FBF1: variants seen among roughly 807,000 people sequenced by gnomAD.
FBF1 encodes the protein Fas binding factor 1.
A neutral mutation model predicts 147.2 loss-of-function variants in FBF1; 119 were observed. That is an observed-to-expected ratio of 0.81 (90% CI 0.70 to 0.94). The LOEUF is 0.94. Ranked by LOEUF, FBF1 falls within the 40% of genes least tolerant of loss-of-function variation. The pLI, the probability that FBF1 is intolerant of heterozygous loss-of-function variation, is 0.00. For synonymous variants in FBF1, 601 were observed against 609.0 expected (o/e 0.99, Z 0.19); for missense variants, 1,449 against 1,500.8 (o/e 0.97, Z 0.57).
chr17:75,931,314 T>C (rs1362642520), intron 5 of FBF1, 25 bp from the exon 6 acceptor site: 2 of 1,569,636 alleles, frequency 1.3e-6, no homozygotes. Flanking sequence ...CGTCAGCCCC[T>C]ACCTGCATCC....
intron 27 of FBF1, 40 bp downstream of exon 27, chr17:75,913,873 G>A (rs1303606094): frequency 6.4e-7 from 1 of 1,559,500 alleles, no homozygotes; most frequent in Non-Finnish European, 8.6e-7. Context: ...GAGGCTGGGG[G>A]TGCCGGGGGC....
In FBF1 at chr17:75,923,079, T is replaced by A; in HGVS notation, c.1424+107A>T. 8.4e-7 allele frequency: 1 copy of A among 1,190,454 alleles called. No homozygotes were observed. The allele number at this position is 1,190,454 out of a possible 1,614,324, so 73.7% of individuals were successfully genotyped here. A position where few individuals can be genotyped will look rare whatever the true frequency, so the allele number is the denominator to read the frequency against. On this transcript the variant is annotated intron_variant, in intron 14 of 29. Coordinates refer to ENST00000636174, the MANE Select transcript of FBF1 (RefSeq NM_001319193.2). This position sits in a 1 kb window ranked among gnomAD's most constrained non-coding sequence, Gnocchi z 4.1. ...GCCTCTGTGGCCACGGCGCCCTGCCTTGTTCCCCAACTGCTGACTGAGGCT... is the reference window on the plus strand; with the variant it reads ...GCCTCTGTGGCCACGGCGCCCTGCCATGTTCCCCAACTGCTGACTGAGGCT...
rs886542099 is a variant in FBF1, at chr17:75,912,223, C to G, written c.3332G>C (p.Arg1111Thr). 1.2e-6 allele frequency: 2 copies of G among 1,610,766 alleles called. No homozygotes were observed. Among genetic ancestry groups the G allele is most frequent in the African/African-American group, 2.7e-5 (2 of 74,910 alleles). Reference sequence around the variant, plus strand: ...TGCCATGTGCCTCAGCAGTGCCAGCCTGGCATGGAGGTGCAAGGGGCTGGG... The same window carrying G: ...TGCCATGTGCCTCAGCAGTGCCAGCGTGGCATGGAGGTGCAAGGGGCTGGG... ...LDPSPLHLHA[R>T]LALLRHMAEQ... Residue 1111 changes from arginine (R) to threonine (T), a missense_variant, in exon 29 of 30, where the codon AGG becomes ACG. Coordinates refer to ENST00000636174, the MANE Select transcript of FBF1 (RefSeq NM_001319193.2).
chr17:75,926,355 C>A lies in FBF1; in HGVS notation c.667G>T (p.Asp223Tyr). Reference sequence around the variant, plus strand: ...AACCCCAAGGTGGCCATGATGTCATCCCCATCATCAAACAACAATTCTTCT... The same window carrying A: ...AACCCCAAGGTGGCCATGATGTCATACCCATCATCAAACAACAATTCTTCT... ...KKEELLFDDG[D>Y]DIMATLGFGD... Residue 223 changes from aspartate to tyrosine, a missense_variant, in exon 11 of 30, where the codon GAT becomes TAT. Coordinates refer to ENST00000636174, the MANE Select transcript of FBF1 (RefSeq NM_001319193.2). The A allele has an allele frequency of 6.2e-7, 1 of 1,612,044 alleles. No individual in the cohort carries two copies. The highest frequency in any genetic ancestry group is 8.5e-7 in the Non-Finnish European group (1 of 1,179,174).
At chr17:75,916,093 G>A (rs965271666) in intron 23 of FBF1, among the ~76,000 whole-genome samples, 1 of 151,812 alleles carries the variant, frequency 6.6e-6, no homozygotes, top group Non-Finnish European at 1.5e-5. Context: ...GCCAAAGTGG[G>A]CAGCTTGTCT....
rs1478784946 is a variant in FBF1 at position 75,923,836 on chromosome 17, G to A, written c.969-195C>T. Among the ~76,000 whole-genome samples the A allele has an allele frequency of 2.0e-5, 3 of 152,188 alleles. No homozygotes were observed. The East Asian group carries it at 5.8e-4, about 29-fold the overall frequency. ...GAACACCACGAAGTACAGAGACCTT[G>A]ACTTCCATCACATGAACCAGGGACA... On this transcript the variant is annotated intron_variant, in intron 13 of 29. Coordinates refer to ENST00000636174, the MANE Select transcript of FBF1 (RefSeq NM_001319193.2). This position sits in a 1 kb window ranked among gnomAD's most constrained non-coding sequence, Gnocchi z 4.1.
chr17:75,940,330 C>A (rs1250585699), intron 1 of FBF1, among the ~76,000 whole-genome samples: 2 of 151,858 alleles, frequency 1.3e-5, no homozygotes, highest in Non-Finnish European at 2.9e-5. Flanking sequence ...TAGCTTACTG[C>A]AGCCTCGACC....
At chr17:75,935,171 T>A (rs546850573) in intron 4 of FBF1, among the ~76,000 whole-genome samples, 69 of 152,018 alleles carry the variant, frequency 4.5e-4, no homozygotes, top group African/African-American at 1.6e-3. Flanking sequence ...ATCTCATTTT[T>A]TTTTTTTTTT....
At chr17:75,929,945 A>AGGGGGGGGCCCCCCCCCCCCCCC in intron 7 of FBF1, 52 bp downstream of exon 7, 1 of 650,910 alleles carries the variant, frequency 1.5e-6, no homozygotes. Flanking sequence ...AAATATCATG[A>AGGGGGGGGCCCCCCCCCCCCCCC]CCCCACCCCA....
chr17:75,925,437 T>A lies in FBF1; in HGVS notation c.878A>T (p.Asp293Val), dbSNP rs1414922471. 1 of 1,613,058 alleles carries A rather than the reference T, an allele frequency of 6.2e-7. No homozygotes were observed. Among genetic ancestry groups the A allele is most frequent in the Non-Finnish European group, 8.5e-7 (1 of 1,179,488 alleles). The change falls in exon 13 of 30, where the codon GAT becomes GTT. Residue 293 changes from aspartate to valine, a missense_variant. Asp to Val is a radical substitution (Grantham distance 152). Transcript: ENST00000636174. This position sits in a 1 kb window ranked among gnomAD's most constrained non-coding sequence, Gnocchi z 5.0. Reference protein sequence around the residue: ...KKYQRPQDSEDMWGDEDFTFG... With the variant: ...KKYQRPQDSEVMWGDEDFTFG... ...GGTGAAGTCCTCGTCACCCCACATA[T>A]CTTCACTGTCTGTGAATTAAGGAGC...
chr17:75,936,361 G>A (rs561116273), intron 3 of FBF1, among the ~76,000 whole-genome samples: 9 of 151,490 alleles, frequency 5.9e-5, no homozygotes, highest in Middle Eastern at 3.4e-3. Context: ...GCCTGGTGGC[G>A]CATGCTTGTA....
In FBF1 at chr17:75,919,115, C is replaced by G. The variant is rs112986414; in HGVS notation, c.2138+553G>C. 0.019 allele frequency among the ~76,000 whole-genome samples: 2,870 copies of G among 152,106 alleles called. 82 individuals carry two copies. Among genetic ancestry groups the G allele is most frequent in the African/African-American group, 0.064 (2,651 of 41,478 alleles). ...AGAGATGAGGTCTCACTGTGTTGCC[C>G]AGACTGGTCTCAAACTCCTGGCCTC... On this transcript the variant is annotated intron_variant, in intron 20 of 29. Transcript: ENST00000636174. This position sits in a 1 kb window ranked among gnomAD's most constrained non-coding sequence, Gnocchi z 5.0.
chr17:75,924,527 G>A (rs1025007740), intron 13 of FBF1, among the ~76,000 whole-genome samples: 1 of 152,128 alleles, frequency 6.6e-6, no homozygotes, highest in Non-Finnish European at 1.5e-5. Context: ...AGGCTGGAGT[G>A]CAGTGAGTGG....
chr17:75,912,857 A>G (rs1413392325), intron 28 of FBF1, among the ~76,000 whole-genome samples: 1 of 152,164 alleles, frequency 6.6e-6, no homozygotes, highest in Non-Finnish European at 1.5e-5. Flanking sequence ...CCCGGCCAAC[A>G]TGGCAAAACC....
chr17:75,927,384 C>T (rs779857700), intron 9 of FBF1, 71 bp downstream of exon 9: 2 of 1,377,984 alleles, frequency 1.5e-6, no homozygotes, highest in Admixed American at 2.2e-5. Flanking sequence ...GGCCTCGGGC[C>T]AGCAAGCATG....
At position 75,913,918 on chromosome 17, in the gene FBF1, G is replaced by T; in HGVS notation, c.3124C>A (p.His1042Asn). Residue 1042 changes from histidine (H) to asparagine (N), a missense_variant, in exon 27 of 30, where the codon CAC becomes AAC. Physicochemically the swap from His to Asn is moderately conservative, Grantham distance 68. Coordinates refer to ENST00000636174, the MANE Select transcript of FBF1 (RefSeq NM_001319193.2). Reference sequence around the variant, plus strand: ...ATACACTCAGGGAGCCTTGCCTGGTGCATGTGCTGCTCCTGCTTCCGCAGC... The same window carrying T: ...ATACACTCAGGGAGCCTTGCCTGGTTCATGTGCTGCTCCTGCTTCCGCAGC... ...ERLRKQEQHM[H>N]QEHLSLAQQR... is the part of the protein sequence containing the mutation. 6.5e-7 allele frequency: 1 copy of T among 1,546,198 alleles called. No homozygotes were observed. The highest frequency in any genetic ancestry group is 8.7e-7 in the Non-Finnish European group (1 of 1,150,742).
At chr17:75,917,086 A>T (rs1371901067) in intron 23 of FBF1, among the ~76,000 whole-genome samples, 1 of 152,110 alleles carries the variant, frequency 6.6e-6, no homozygotes, top group Non-Finnish European at 1.5e-5. Flanking sequence ...ACCTCAAGTG[A>T]TCCTCCAGCC....
chr17:75,923,038 G>A lies in FBF1; in HGVS notation c.1424+148C>T. The A allele has an allele frequency of 5.1e-6, 4 of 786,242 alleles. No homozygotes were observed. Among genetic ancestry groups the A allele is most frequent in the Non-Finnish European group, 6.0e-6 (3 of 497,798 alleles). 48.7% of individuals were successfully genotyped at this position (786,242 alleles called of 1,614,324 possible). On this transcript the variant is annotated intron_variant, in intron 14 of 29. Transcript: ENST00000636174. This position sits in a 1 kb window ranked among gnomAD's most constrained non-coding sequence, Gnocchi z 4.1. ...TCTGCAGTGCCTAAAAGGCAGAGTA[G>A]CAAAGCCAAGAAGCGGCCTCTGTGG...
At chr17:75,939,311 A>C (rs950667077) in intron 1 of FBF1, among the ~76,000 whole-genome samples, 9 of 144,314 alleles carry the variant, frequency 6.2e-5, no homozygotes, top group South Asian at 4.6e-4. Context: ...AAAAAAAAAA[A>C]AAAAAACGTG....
Sources: allele counts gnomAD v4.1 joint callset (sites outside exome capture counted in the v4.1 genomes callset), GRCh38; gene constraint gnomAD v4.1.1; non-coding constraint Gnocchi (gnomAD v3.1); transcripts MANE v1.5; gene names NCBI Gene and HGNC (gene_info 2026-07-23, HGNC 2026-07-21).